Variants in ALG9 observed in about 807,000 individuals in gnomAD.
The protein encoded by ALG9 is alpha-1,2-mannosyltransferase ALG9.
Under a neutral mutation model 81.8 loss-of-function variants are expected in ALG9, and 55 were observed. The observed-to-expected ratio is 0.67, with a 90% CI of 0.54 to 0.84. The LOEUF is 0.84. Among genes scored for constraint, ALG9 ranks in the 40% least tolerant of loss-of-function variants. The pLI, the probability that ALG9 is intolerant of heterozygous loss-of-function variation, is 0.00. For synonymous variants in ALG9, 278 were observed against 274.3 expected (o/e 1.01, Z -0.13); for missense variants, 629 against 745.0 (o/e 0.84, Z 1.81).
At chr11:111,822,280 G>A (rs1291344802) in intron 13 of ALG9, among the ~76,000 whole-genome samples, 2 of 150,702 alleles carry the variant, frequency 1.3e-5, no homozygotes, top group African/African-American at 4.9e-5. Context: ...ACGGTGGCAC[G>A]TGCCTGTAGT....
In ALG9 at chr11:111,844,463, A is replaced by G. The variant is rs1956673284; in HGVS notation, c.1018+138T>C. On this transcript the variant is annotated intron_variant, in intron 9 of 14. Transcript: ENST00000616540. ...GGGTTCAATGGATCAACAAACACAG[A>G]CTGAAAATTCAGTAAGCCAACCATT... 4 of 1,274,408 alleles carry G rather than the reference A, an allele frequency of 3.1e-6. No homozygotes were observed. In the East Asian group the frequency reaches 9.4e-5, roughly 30 times the overall value. The allele number at this position is 1,274,408 out of a possible 1,614,324, so 78.9% of individuals were successfully genotyped here. A position where few individuals can be genotyped will look rare whatever the true frequency, so the allele number is the denominator to read the frequency against.
chr11:111,840,223 CAG>C (rs1956013038), intron 10 of ALG9, among the ~76,000 whole-genome samples: 1 of 152,106 alleles, frequency 6.6e-6, no homozygotes, highest in South Asian at 2.1e-4. Flanking sequence ...GATATTCAAA[CAG>C]AGTTAAGATG....
chr11:111,833,094 G>GA (rs751634083), intron 13 of ALG9, among the ~76,000 whole-genome samples: 2 of 152,048 alleles, frequency 1.3e-5, no homozygotes, highest in Non-Finnish European at 2.9e-5. Context: ...ATTAAAGTCA[G>GA]AAAAAAGTCT....
intron 8 of ALG9, among the ~76,000 whole-genome samples, chr11:111,848,284 T>G (rs891143849): frequency 3.3e-5 from 5 of 152,150 alleles, no homozygotes; most frequent in Admixed American, 2.0e-4. Context: ...ACTCCCTTTA[T>G]TTTCCCCAGC....
intron 4 of ALG9, among the ~76,000 whole-genome samples, chr11:111,862,851 T>C (rs1235011594): frequency 6.6e-6 from 1 of 152,112 alleles, no homozygotes; most frequent in Non-Finnish European, 1.5e-5. Flanking sequence ...TATATTCCTA[T>C]TTCCCAATAA....
chr11:111,835,382 G>C (rs117591404), intron 13 of ALG9, among the ~76,000 whole-genome samples: 1 of 152,248 alleles, frequency 6.6e-6, no homozygotes, highest in Admixed American at 6.5e-5. Context: ...AGTAAAATTC[G>C]CATGGGATCT....
At chr11:111,813,075 G>C (rs1555093224) in intron 13 of ALG9, among the ~76,000 whole-genome samples, 3 of 90,044 alleles carry the variant, frequency 3.3e-5, no homozygotes, top group Admixed American at 1.2e-4. Context: ...AGCTGGTGTA[G>C]ACAACTGGAT....
chr11:111,854,734 T>C (rs1437137053), intron 6 of ALG9, among the ~76,000 whole-genome samples: 3 of 152,232 alleles, frequency 2.0e-5, no homozygotes, highest in African/African-American at 4.8e-5. Context: ...TCCATTTCCA[T>C]AGCACCTGTA....
chr11:111,768,402 G>T, the ALG9 span, among the ~76,000 whole-genome samples: 3 of 151,790 alleles, frequency 2.0e-5, no homozygotes, highest in African/African-American at 7.3e-5. Flanking sequence ...AGCTGTGTAA[G>T]AACTAGAAAT....
In ALG9 at chr11:111,854,523, G is replaced by A. The variant is rs368647964; in HGVS notation, c.702-787C>T. On this transcript the variant is annotated intron_variant, in intron 6 of 14. Coordinates refer to ENST00000616540, the MANE Select transcript of ALG9 (RefSeq NM_024740.2). ...TGACCTCAGGAGATCTGCCTGCATC[G>A]CCCTCCCAAAGTGCTGGAATTACAG... is the stretch of plus-strand genomic sequence containing the variant. Among the ~76,000 whole-genome samples the A allele has an allele frequency of 1.6e-4, 24 of 152,000 alleles. No homozygotes were observed. The South Asian group carries it at 4.6e-3, about 29-fold the overall frequency.
chr11:111,817,996 C>T (rs1555099557), intron 13 of ALG9, among the ~76,000 whole-genome samples: 1 of 152,074 alleles, frequency 6.6e-6, no homozygotes. Context: ...TCAGGCTGGT[C>T]TCAAACTCCT....
chr11:111,841,366 A>C (rs1187778607), intron 9 of ALG9, among the ~76,000 whole-genome samples: 4 of 152,236 alleles, frequency 2.6e-5, no homozygotes, highest in South Asian at 2.1e-4. Flanking sequence ...AGGCAAACAT[A>C]AAAATGCTCT....
intron 8 of ALG9, among the ~76,000 whole-genome samples, chr11:111,852,255 A>G (rs928486958): frequency 6.6e-6 from 1 of 152,208 alleles, no homozygotes; most frequent in Admixed American, 6.5e-5. Context: ...TGAAGAAACT[A>G]TAATTATTTT....
chr11:111,771,730 C>T, the ALG9 span, among the ~76,000 whole-genome samples: 2 of 152,126 alleles, frequency 1.3e-5, no homozygotes, highest in Admixed American at 6.5e-5. Context: ...AAACTGATTC[C>T]GAGGGCTGTA....
chr11:111,818,772 T>C (rs527484958), intron 13 of ALG9, among the ~76,000 whole-genome samples: 2 of 152,024 alleles, frequency 1.3e-5, no homozygotes, highest in South Asian at 2.1e-4. Flanking sequence ...CCTAGCACAG[T>C]ACAAAACATA....
intron 13 of ALG9, among the ~76,000 whole-genome samples, chr11:111,820,988 C>T (rs934794340): frequency 6.6e-6 from 1 of 151,592 alleles, no homozygotes; most frequent in African/African-American, 2.4e-5. Flanking sequence ...CCTCATTACT[C>T]GGGAGGCTGA....
At chr11:111,812,861 G>A (rs997824509) in intron 13 of ALG9, among the ~76,000 whole-genome samples, 50 of 134,590 alleles carry the variant, frequency 3.7e-4, no homozygotes, top group African/African-American at 1.4e-3. Flanking sequence ...TGGCTGCAGT[G>A]AGCCAAGATT....
chr11:111,871,133 A>G, intron 1 of ALG9: 1 of 1,263,134 alleles, frequency 7.9e-7, no homozygotes, highest in Non-Finnish European at 9.9e-7. Context: ...TCCGCACTCC[A>G]AGGCAGTTTT....
intron 14 of ALG9, among the ~76,000 whole-genome samples, chr11:111,788,057 C>G (rs1030576962): frequency 7.2e-5 from 11 of 152,206 alleles, no homozygotes; most frequent in Non-Finnish European, 5.9e-5. Flanking sequence ...TACTTCCTGA[C>G]TCTGATTTCT....
Sources: allele counts gnomAD v4.1 joint callset (sites outside exome capture counted in the v4.1 genomes callset), GRCh38; gene constraint gnomAD v4.1.1; transcripts MANE v1.5; gene names NCBI Gene and HGNC (gene_info 2026-07-23, HGNC 2026-07-21).